The following NRG1 variants were observed in gnomAD, a reference collection of about 807,000 sequenced individuals.
NRG1 encodes the protein pro-neuregulin-1, membrane-bound isoform.
In NRG1, 18 loss-of-function variants were observed where a neutral mutation model predicts 63.8. The observed-to-expected ratio is 0.28, with a 90% CI of 0.19 to 0.42. The LOEUF is 0.42. NRG1 is among the 10% of genes least tolerant of loss of function. The probability of loss-of-function intolerance (pLI) is 1.00; values close to 1 mark genes in which losing one functional copy is unlikely to be tolerated. For missense variants in NRG1, 762 were observed against 814.7 expected (o/e 0.94, Z 0.79); for synonymous variants, 302 against 301.3 (o/e 1.00, Z -0.02).
intron 1 of NRG1, among the ~76,000 whole-genome samples, chr8:31,720,080 A>G (rs1311121181): frequency 1.3e-5 from 2 of 152,156 alleles, no homozygotes; most frequent in African/African-American, 4.8e-5. Flanking sequence ...AATGAAAGAT[A>G]TTTCCAGGTT....
intron 1 of NRG1, among the ~76,000 whole-genome samples, chr8:32,282,293 A>G (rs1051158661): frequency 2.0e-5 from 3 of 152,214 alleles, no homozygotes; most frequent in Non-Finnish European, 4.4e-5. Context: ...TCAAGAGAAG[A>G]CATTTTACGT....
chr8:31,926,597 A>G (rs1410008568), intron 1 of NRG1, among the ~76,000 whole-genome samples: 2 of 152,110 alleles, frequency 1.3e-5, no homozygotes, highest in Non-Finnish European at 1.5e-5. Flanking sequence ...CTGAACAACA[A>G]TATCCTCATA....
At chr8:32,519,568 G>C (rs1288320897) in intron 1 of NRG1, among the ~76,000 whole-genome samples, 1 of 152,018 alleles carries the variant, frequency 6.6e-6, no homozygotes, top group African/African-American at 2.4e-5. Flanking sequence ...ACACAAACCA[G>C]ATTTCCCCTG....
intron 1 of NRG1, among the ~76,000 whole-genome samples, chr8:31,723,124 A>C (rs1462325001): frequency 6.6e-6 from 1 of 152,184 alleles, no homozygotes; most frequent in Non-Finnish European, 1.5e-5. Context: ...CTTATAAAAT[A>C]AATAAAGATG....
At chr8:32,286,738 C>A (rs1036655658) in intron 1 of NRG1, among the ~76,000 whole-genome samples, 4 of 152,290 alleles carry the variant, frequency 2.6e-5, no homozygotes, top group South Asian at 4.1e-4. Context: ...GTGGCTCACG[C>A]CTGTAATCCT....
At chr8:31,648,425 C>T (rs1037812715) in intron 1 of NRG1, among the ~76,000 whole-genome samples, 1 of 152,152 alleles carries the variant, frequency 6.6e-6, no homozygotes, top group Non-Finnish European at 1.5e-5. Flanking sequence ...AGCCACCGCG[C>T]CCGGCCCTAC....
intron 5 of NRG1, among the ~76,000 whole-genome samples, chr8:32,625,788 C>CTTTTTTTTTTTTTTTCTT (rs1563796353): frequency 1.1e-5 from 1 of 94,240 alleles, no homozygotes; most frequent in African/African-American, 4.1e-5. Context: ...TTTTTTTTTT[C>CTTTTTTTTTTTTTTTCTT]TTTTTTCTTT....
intron 1 of NRG1, among the ~76,000 whole-genome samples, chr8:32,505,654 A>C (rs1243953656): frequency 6.6e-6 from 1 of 152,198 alleles, no homozygotes; most frequent in African/African-American, 2.4e-5. Flanking sequence ...CACAGGCAGC[A>C]AAAATGGTGT....
At chr8:31,888,043 C>A (rs1321711085) in intron 1 of NRG1, among the ~76,000 whole-genome samples, 5 of 150,812 alleles carry the variant, frequency 3.3e-5, no homozygotes, top group African/African-American at 1.2e-4. Context: ...TGTTACATAT[C>A]AATATATATT....
intron 1 of NRG1, among the ~76,000 whole-genome samples, chr8:32,552,207 C>T (rs1335361805): frequency 7.9e-6 from 1 of 127,172 alleles, no homozygotes; most frequent in East Asian, 2.5e-4. Context: ...CGGCGCTTGG[C>T]CGCTTTTTTT....
rs1176228500 is a variant in NRG1, at chr8:32,233,555, ATATATATATTT to A, written c.38-362271_38-362261del. ...CGAAAGAATATATATATATATATAT[ATATATATATTT>A]TTTTTTTTTTTTCTTTTGAAACGGT... On this transcript the variant is annotated intron_variant, in intron 1 of 10. Coordinates refer to the NRG1 transcript ENST00000519301. 3.5e-3 allele frequency among the ~76,000 whole-genome samples: 251 copies of A among 71,694 alleles called. 2 individuals carry two copies. The highest frequency in any genetic ancestry group is 0.013 in the African/African-American group (224 of 17,870). The allele number at this position is 71,694 out of a possible 152,430, so 47.0% of individuals were successfully genotyped here.
At chr8:31,855,569 T>C (rs1827771863) in intron 1 of NRG1, among the ~76,000 whole-genome samples, 2 of 152,244 alleles carry the variant, frequency 1.3e-5, no homozygotes. Flanking sequence ...TTTATCCAGT[T>C]TGCCAGTCTG....
chr8:32,719,742 C>A (rs1820150126), intron 5 of NRG1, among the ~76,000 whole-genome samples: 1 of 151,628 alleles, frequency 6.6e-6, no homozygotes, highest in African/African-American at 2.4e-5. Flanking sequence ...AGCCCTAGCT[C>A]CCTTTGTCTC....
chr8:31,923,453 G>A (rs1371567233), intron 1 of NRG1, among the ~76,000 whole-genome samples: 1 of 152,000 alleles, frequency 6.6e-6, no homozygotes, highest in Non-Finnish European at 1.5e-5. Context: ...TGATAGCAAG[G>A]TTATAATGGC....
chr8:32,345,863 C>G (rs1804819290), intron 1 of NRG1, among the ~76,000 whole-genome samples: 1 of 151,694 alleles, frequency 6.6e-6, no homozygotes, highest in Admixed American at 6.6e-5. Context: ...CAAAAATTAG[C>G]TGGGCATGGT....
chr8:32,011,097 C>T (rs1814681717), intron 1 of NRG1, among the ~76,000 whole-genome samples: 1 of 152,078 alleles, frequency 6.6e-6, no homozygotes, highest in Admixed American at 6.6e-5. Context: ...ATGGCAGACA[C>T]ATTACACATA....
intron 1 of NRG1, among the ~76,000 whole-genome samples, chr8:31,790,314 G>A (rs948293826): frequency 6.6e-6 from 1 of 152,248 alleles, no homozygotes; most frequent in East Asian, 1.9e-4. Flanking sequence ...AACTATTGAA[G>A]TAACAAGAAA....
chr8:32,310,302 G>A (rs1360973880), intron 1 of NRG1, among the ~76,000 whole-genome samples: 2 of 152,152 alleles, frequency 1.3e-5, no homozygotes, highest in African/African-American at 4.8e-5. Flanking sequence ...CCTATTCATG[G>A]GCTGATTCTT....
chr8:31,903,621 T>C (rs1265815808), intron 1 of NRG1, among the ~76,000 whole-genome samples: 1 of 152,086 alleles, frequency 6.6e-6, no homozygotes, highest in East Asian at 1.9e-4. Context: ...TCAATCTGGT[T>C]TTCATATCTA....
Sources: allele counts gnomAD v4.1 joint callset (sites outside exome capture counted in the v4.1 genomes callset), GRCh38; gene constraint gnomAD v4.1.1; transcripts MANE v1.5; gene names NCBI Gene and HGNC (gene_info 2026-07-23, HGNC 2026-07-21).